CDH13: variants seen among roughly 807,000 people sequenced by gnomAD.
CDH13 encodes the protein cadherin-13.
In CDH13, 24 loss-of-function variants were observed where a neutral mutation model predicts 63.8. The observed-to-expected ratio is 0.38, with a 90% CI of 0.27 to 0.53. CDH13 has a LOEUF of 0.53. Among genes scored for constraint, CDH13 ranks in the 20% least tolerant of loss-of-function variants. The pLI is 0.85. For missense variants in CDH13, 1,049 were observed against 903.1 expected (o/e 1.16, Z -2.07); for synonymous variants, 503 against 355.3 (o/e 1.42, Z -4.67).
chr16:83,268,556 A>G (rs1005735873), intron 5 of CDH13, among the ~76,000 whole-genome samples: 3 of 152,224 alleles, frequency 2.0e-5, no homozygotes, highest in South Asian at 4.1e-4. Flanking sequence ...TTAAGGATAT[A>G]TAAATTACAT....
chr16:82,850,721 C>G (rs184934432), intron 1 of CDH13, among the ~76,000 whole-genome samples: 1 of 152,128 alleles, frequency 6.6e-6, no homozygotes, highest in Non-Finnish European at 1.5e-5. Flanking sequence ...AAGAAATTGC[C>G]ACAGCCTCCC....
chr16:83,763,717 A>AT (rs1392155033), intron 11 of CDH13, among the ~76,000 whole-genome samples: 1 of 152,112 alleles, frequency 6.6e-6, no homozygotes, highest in African/African-American at 2.4e-5. Context: ...AGGAGGAAAA[A>AT]TAAATTGATG....
At chr16:83,343,835 A>T (rs1280122590) in intron 5 of CDH13, among the ~76,000 whole-genome samples, 1 of 152,224 alleles carries the variant, frequency 6.6e-6, no homozygotes, top group East Asian at 1.9e-4. Context: ...CTTTGCTTTC[A>T]TTCTCTCCTC....
intron 2 of CDH13, among the ~76,000 whole-genome samples, chr16:82,973,687 GGAT>G (rs1330657102): frequency 6.6e-6 from 1 of 152,086 alleles, no homozygotes; most frequent in Non-Finnish European, 1.5e-5. Context: ...TTCACTGAAG[GGAT>G]GATATTTGAA....
intron 3 of CDH13, among the ~76,000 whole-genome samples, chr16:83,095,650 G>C (rs1220555904): frequency 1.3e-5 from 2 of 152,166 alleles, no homozygotes; most frequent in South Asian, 4.1e-4. Flanking sequence ...GCTCAACACA[G>C]GTGCACTAAC....
chr16:82,827,002 T>G lies in CDH13; in HGVS notation c.46-31360T>G, dbSNP rs9935736. Among the ~76,000 whole-genome samples the G allele has an allele frequency of 7.6e-3, 1,154 of 152,322 alleles. 9 individuals are homozygous for G. The highest frequency in any genetic ancestry group is 0.027 in the African/African-American group (1,123 of 41,578). ...ACACGGCTGGCTTTGGAAGAATTCATCCAGCCCCTGGCATGTTTTGCTTAT... is the reference window on the plus strand; with the variant it reads ...ACACGGCTGGCTTTGGAAGAATTCAGCCAGCCCCTGGCATGTTTTGCTTAT... On this transcript the variant is annotated intron_variant, in intron 1 of 13. Coordinates refer to ENST00000567109, the MANE Select transcript of CDH13 (RefSeq NM_001257.5).
chr16:82,650,125 C>T (rs1240127764), intron 1 of CDH13, among the ~76,000 whole-genome samples: 1 of 152,202 alleles, frequency 6.6e-6, no homozygotes, highest in Non-Finnish European at 1.5e-5. Flanking sequence ...AAGTAGTTAC[C>T]TCTCCTGTCT....
chr16:83,329,478 G>A (rs2090437209), intron 5 of CDH13, among the ~76,000 whole-genome samples: 1 of 151,620 alleles, frequency 6.6e-6, no homozygotes, highest in South Asian at 2.1e-4. Context: ...CTCAGGTGAT[G>A]TGGCCACCTC....
chr16:82,795,993 T>G (rs1322602022), intron 1 of CDH13, among the ~76,000 whole-genome samples: 4 of 151,984 alleles, frequency 2.6e-5, no homozygotes, highest in Non-Finnish European at 5.9e-5. Context: ...TCTTCTAATG[T>G]TTTTTCAAGA....
chr16:83,575,667 G>C (rs1020676309), intron 7 of CDH13, among the ~76,000 whole-genome samples: 31 of 152,180 alleles, frequency 2.0e-4, no homozygotes, highest in African/African-American at 7.5e-4. Flanking sequence ...CCTCCCGTCA[G>C]ATTTTAGCTC....
At chr16:82,918,387 G>A (rs2042055794) in intron 2 of CDH13, among the ~76,000 whole-genome samples, 1 of 152,136 alleles carries the variant, frequency 6.6e-6, no homozygotes, top group Non-Finnish European at 1.5e-5. Context: ...CTGAAGATGA[G>A]AGGTGAGTAG....
intron 8 of CDH13, among the ~76,000 whole-genome samples, chr16:83,668,571 C>T (rs1914215803): frequency 6.6e-6 from 1 of 152,204 alleles, no homozygotes; most frequent in Admixed American, 6.5e-5. Flanking sequence ...AGCTGACATC[C>T]ACTTTGATAA....
At chr16:83,474,330 A>G (rs1183832402) in intron 6 of CDH13, among the ~76,000 whole-genome samples, 1 of 152,136 alleles carries the variant, frequency 6.6e-6, no homozygotes, top group Non-Finnish European at 1.5e-5. Flanking sequence ...AAGGTTGTGT[A>G]TGTTGCTCAG....
At chr16:83,712,499 A>G (rs1598550751) in intron 10 of CDH13, among the ~76,000 whole-genome samples, 1 of 152,212 alleles carries the variant, frequency 6.6e-6, no homozygotes, top group Admixed American at 6.5e-5. Flanking sequence ...GAAATATCCC[A>G]GGGCAAGAAT....
At chr16:82,970,826 T>C (rs577576752) in intron 2 of CDH13, among the ~76,000 whole-genome samples, 1 of 152,330 alleles carries the variant, frequency 6.6e-6, no homozygotes, top group East Asian at 1.9e-4. Context: ...ATAATGACTA[T>C]AATGACTTGT....
At chr16:83,500,584 T>C (rs1265063565) in intron 7 of CDH13, among the ~76,000 whole-genome samples, 1 of 84,978 alleles carries the variant, frequency 1.2e-5, no homozygotes, top group African/African-American at 4.9e-5. Context: ...CTCCTCTTTT[T>C]TTTTTTGAGA....
At position 83,454,297 on chromosome 16, in the gene CDH13, C is replaced by A. The variant is rs147570217; in HGVS notation, c.782-32180C>A. ...TGAGAAAATGATTGAGAAGTAAAAT[C>A]TGTTTTGTGTGCATGATACACATTC... On this transcript the variant is annotated intron_variant, in intron 6 of 13. Transcript: ENST00000567109. Among the ~76,000 whole-genome samples the A allele has an allele frequency of 2.1e-3, 319 of 152,328 alleles. 3 individuals carry two copies. The highest frequency in any genetic ancestry group is 7.2e-3 in the African/African-American group (298 of 41,576).
At chr16:83,334,165 C>T (rs564914547) in intron 5 of CDH13, among the ~76,000 whole-genome samples, 5 of 152,196 alleles carry the variant, frequency 3.3e-5, no homozygotes, top group South Asian at 2.1e-4. Context: ...CTCTGACCTT[C>T]GCTTCTTCCT....
intron 1 of CDH13, among the ~76,000 whole-genome samples, chr16:82,708,753 C>A (rs2031687660): frequency 6.6e-6 from 1 of 152,136 alleles, no homozygotes. Context: ...TGACGCTGGG[C>A]AAATGGAGAA....
Sources: gnomAD v4.1 joint callset for allele counts (sites outside exome capture counted in the v4.1 genomes callset) on GRCh38, gnomAD v4.1.1 for gene constraint, MANE v1.5 for transcripts, NCBI Gene and HGNC (gene_info 2026-07-23, HGNC 2026-07-21) for gene names.